Variants in NR6A1 observed in about 807,000 individuals in gnomAD.
The protein encoded by NR6A1 is retinoic acid receptor-related testis-associated receptor.
In NR6A1, 7 loss-of-function variants were observed where a neutral mutation model predicts 59.1. That is an observed-to-expected ratio of 0.12 (90% confidence interval 0.07 to 0.22). NR6A1 has a LOEUF of 0.22. Ranked by LOEUF, NR6A1 falls within the 10% of genes least tolerant of loss-of-function variation. The probability of loss-of-function intolerance (pLI) is 1.00; values close to 1 mark genes in which losing one functional copy is unlikely to be tolerated. For synonymous variants in NR6A1, 243 were observed against 236.1 expected (o/e 1.03, Z -0.27); for missense variants, 468 against 611.6 (o/e 0.77, Z 2.48).
At chr9:124,734,671 C>A (rs1839973643) in intron 1 of NR6A1, among the ~76,000 whole-genome samples, 1 of 151,926 alleles carries the variant, frequency 6.6e-6, no homozygotes, top group African/African-American at 2.4e-5. Context: ...CCAGCCTGGG[C>A]AACAGAGCGA....
At chr9:124,681,337 G>GTT in intron 2 of NR6A1, among the ~76,000 whole-genome samples, 2 of 133,324 alleles carry the variant, frequency 1.5e-5, no homozygotes, top group Admixed American at 1.5e-4. Flanking sequence ...TAACATTTGA[G>GTT]CTTTTTTTTT....
chr9:124,593,247 T>A (rs1835178603), intron 2 of NR6A1, among the ~76,000 whole-genome samples: 1 of 152,200 alleles, frequency 6.6e-6, no homozygotes, highest in Admixed American at 6.5e-5. Flanking sequence ...ACTAGGAACA[T>A]CTGTTTAGCT....
intron 2 of NR6A1, among the ~76,000 whole-genome samples, chr9:124,585,045 A>AGAAAGGCAAACCAATCACAACATTCTG (rs1267167018): frequency 2.0e-5 from 3 of 152,226 alleles, no homozygotes; most frequent in Non-Finnish European, 2.9e-5. Context: ...TAGTCTGGAT[A>AGAAAGGCAAACCAATCACAACATTCTG]GAAAGGCAAA....
At chr9:124,679,423 A>C (rs1838057176) in intron 2 of NR6A1, among the ~76,000 whole-genome samples, 1 of 152,182 alleles carries the variant, frequency 6.6e-6, no homozygotes, top group African/African-American at 2.4e-5. Context: ...TAATCTAAAA[A>C]CTAAATGTAG....
intron 3 of NR6A1, among the ~76,000 whole-genome samples, chr9:124,550,375 A>ATTTTTTT (rs58594452): frequency 1.0e-4 from 12 of 117,616 alleles, no homozygotes; most frequent in South Asian, 2.8e-4. Context: ...CTAATGGTGA[A>ATTTTTTT]TTTTTTTTTT....
chr9:124,600,987 A>G (rs1356809067), intron 2 of NR6A1, among the ~76,000 whole-genome samples: 1 of 140,650 alleles, frequency 7.1e-6, no homozygotes, highest in Non-Finnish European at 1.5e-5. Context: ...GTGCTTTAAG[A>G]AAAAAAAAAA....
In NR6A1 at chr9:124,771,072, G is replaced by A. The variant is rs1841143953; in HGVS notation, c.48C>T (p.Gly16=). The change falls in exon 1 of 10, where the codon GGC becomes GGT. Residue 16 remains glycine (G), a synonymous_variant. Coordinates refer to ENST00000487099, the MANE Select transcript of NR6A1 (RefSeq NM_033334.4). ...PPPSGGGGGG[G]SAGFLEPPAA... The stretch of plus-strand genomic sequence containing the variant: ...CGGGAGGCTCCAGGAACCCCGCCGA[G>A]CCCCCGCCGCCTCCCCCTCCGCTAG... 3 of 1,230,248 alleles carry A rather than the reference G, an allele frequency of 2.4e-6. No individual in the cohort carries two copies. Among genetic ancestry groups the A allele is most frequent in the Non-Finnish European group, 3.0e-6 (3 of 987,008 alleles). The allele number at this position is 1,230,248 out of a possible 1,614,324, so 76.2% of individuals were successfully genotyped here.
intron 2 of NR6A1, among the ~76,000 whole-genome samples, chr9:124,557,851 C>A (rs1293140126): frequency 1.3e-5 from 2 of 152,114 alleles, no homozygotes; most frequent in African/African-American, 4.8e-5. Flanking sequence ...TAAACCAGAG[C>A]CTTATTAGAA....
chr9:124,720,736 G>C (rs188597507), intron 2 of NR6A1, among the ~76,000 whole-genome samples: 1 of 152,288 alleles, frequency 6.6e-6, no homozygotes, highest in Non-Finnish European at 1.5e-5. Flanking sequence ...TTAGAACTGA[G>C]TTATTATAGC....
chr9:124,604,266 AC>A lies in NR6A1; in HGVS notation c.143-49697del, dbSNP rs1228309161. 5.3e-5 allele frequency among the ~76,000 whole-genome samples: 8 copies of A among 152,144 alleles called. No individual in the cohort carries two copies. In the East Asian group the frequency reaches 1.5e-3, roughly 29 times the overall value. ...CCACCTAGATGTATCCATCATAAGC[AC>A]CTCAGACAAGTCCAAACTTGTCTTC... On this transcript the variant is annotated intron_variant, in intron 2 of 9. Coordinates refer to ENST00000487099, the MANE Select transcript of NR6A1 (RefSeq NM_033334.4).
intron 2 of NR6A1, among the ~76,000 whole-genome samples, chr9:124,643,232 C>A (rs1588735737): frequency 2.0e-5 from 3 of 151,962 alleles, no homozygotes; most frequent in East Asian, 1.9e-4. Flanking sequence ...GAGGCTGAGG[C>A]GGGAAGATAC....
At chr9:124,600,272 G>C (rs1835409075) in intron 2 of NR6A1, among the ~76,000 whole-genome samples, 1 of 152,232 alleles carries the variant, frequency 6.6e-6, no homozygotes, top group Non-Finnish European at 1.5e-5. Context: ...GCAAGGGAAA[G>C]AGTTTAATTC....
chr9:124,752,080 C>A (rs891341396), intron 1 of NR6A1, among the ~76,000 whole-genome samples: 1 of 152,150 alleles, frequency 6.6e-6, no homozygotes, highest in Non-Finnish European at 1.5e-5. Context: ...ACCAGCCTGG[C>A]CAAAATGGTG....
chr9:124,583,792 G>C (rs1043410459), intron 2 of NR6A1, among the ~76,000 whole-genome samples: 1 of 152,158 alleles, frequency 6.6e-6, no homozygotes, highest in Non-Finnish European at 1.5e-5. Context: ...ATGACTTCCT[G>C]AGTGAGGCCT....
At chr9:124,563,604 C>G (rs1272017784) in intron 2 of NR6A1, among the ~76,000 whole-genome samples, 1 of 152,180 alleles carries the variant, frequency 6.6e-6, no homozygotes, top group African/African-American at 2.4e-5. Context: ...CAAGTTCTGT[C>G]CTAAATTTGT....
chr9:124,640,781 C>A (rs1260158635), intron 2 of NR6A1, among the ~76,000 whole-genome samples: 1 of 151,892 alleles, frequency 6.6e-6, no homozygotes, highest in Non-Finnish European at 1.5e-5. Context: ...CACCACCACA[C>A]CCAGCTAATT....
intron 4 of NR6A1, 72 bp downstream of exon 4, chr9:124,543,730 T>C (rs1833514324): frequency 2.6e-6 from 3 of 1,173,390 alleles, no homozygotes; most frequent in South Asian, 3.0e-5. Context: ...AGAGTCAAGG[T>C]GAGCAGTTTC....
chr9:124,710,358 T>C (rs1050032712), intron 2 of NR6A1, among the ~76,000 whole-genome samples: 14 of 152,166 alleles, frequency 9.2e-5, no homozygotes, highest in Admixed American at 5.9e-4. Context: ...ACCAACTGTA[T>C]CAGAACTATT....
At chr9:124,749,594 A>G (rs1056273535) in intron 1 of NR6A1, among the ~76,000 whole-genome samples, 1 of 152,124 alleles carries the variant, frequency 6.6e-6, no homozygotes, top group Non-Finnish European at 1.5e-5. Flanking sequence ...TATGTTGCCC[A>G]GGCTGTAGTG....
Sources: gnomAD v4.1 joint callset for allele counts (sites outside exome capture counted in the v4.1 genomes callset) on GRCh38, gnomAD v4.1.1 for gene constraint, MANE v1.5 for transcripts, NCBI Gene and HGNC (gene_info 2026-07-23, HGNC 2026-07-21) for gene names.